NDST3: variants seen among roughly 807,000 people sequenced by gnomAD.
NDST3 encodes bifunctional heparan sulfate N-deacetylase/N-sulfotransferase 3.
Under a neutral mutation model 96.1 loss-of-function variants are expected in NDST3, and 58 were observed. The observed-to-expected ratio is 0.60, with a 90% CI of 0.49 to 0.75. The LOEUF (loss-of-function observed/expected upper bound fraction) is 0.75, where lower values mean the gene tolerates loss of function less well. NDST3 is among the 30% of genes least tolerant of loss of function. NDST3 has a pLI of 0.00. For synonymous variants in NDST3, 333 were observed against 359.7 expected, an observed-to-expected ratio of 0.93 and a Z score of 0.84; for missense variants, 788 against 1,034.2, an observed-to-expected ratio of 0.76 and a Z score of 3.27.
chr4:118,125,029 T>C lies in NDST3; in HGVS notation c.1224+10069T>C, dbSNP rs114715533. Among the ~76,000 whole-genome samples, 505 of 152,106 alleles carry C rather than the reference T, an allele frequency of 3.3e-3. 2 individuals are homozygous for C. Among genetic ancestry groups the C allele is most frequent in the African/African-American group, 0.012 (485 of 41,512 alleles). On this transcript the variant is annotated intron_variant, in intron 4 of 13. Transcript: ENST00000296499. ...GGTTTCATTATATAGGCATGTTTGA[T>C]TGTATTATTGGCCACATGATTGAAC... is the stretch of plus-strand genomic sequence containing the variant.
At chr4:118,218,082 A>T (rs1212643271) in intron 6 of NDST3, among the ~76,000 whole-genome samples, 2 of 151,788 alleles carry the variant, frequency 1.3e-5, no homozygotes, top group South Asian at 4.1e-4. Flanking sequence ...AAAGCCCAAG[A>T]CCAGATACAC....
chr4:118,199,100 G>C (rs1188092457), intron 6 of NDST3, among the ~76,000 whole-genome samples: 1 of 151,990 alleles, frequency 6.6e-6, no homozygotes, highest in Non-Finnish European at 1.5e-5. Flanking sequence ...CTTTCTCTAG[G>C]TTTAGGAAGC....
At chr4:118,038,743 ATAT>A (rs1204124986) in intron 1 of NDST3, among the ~76,000 whole-genome samples, 1 of 152,198 alleles carries the variant, frequency 6.6e-6, no homozygotes, top group Non-Finnish European at 1.5e-5. Context: ...AGAAAAAGGA[ATAT>A]TGTCAGGATC....
intron 1 of NDST3, among the ~76,000 whole-genome samples, chr4:118,045,893 C>A (rs1385539735): frequency 6.6e-6 from 1 of 151,816 alleles, no homozygotes; most frequent in Non-Finnish European, 1.5e-5. Flanking sequence ...ATTATAATTT[C>A]TTGCAAAGTT....
Position 118,054,891 on chromosome 4 carries a change from G to T in NDST3, c.981G>T (p.Lys327Asn). Reference protein sequence around the residue: ...EGTRMNTNDVKALLDTQNLLR... With the variant: ...EGTRMNTNDVNALLDTQNLLR... ...CAAGAATGAACACCAATGATGTAAAGGTAAGGCTCTATTTTCTCAAGTTTC... is the reference window on the plus strand; with the variant it reads ...CAAGAATGAACACCAATGATGTAAATGTAAGGCTCTATTTTCTCAAGTTTC... Residue 327 changes from lysine to asparagine, a missense_variant and splice_region_variant, in exon 2 of 14, where the codon AAG (lysine) becomes AAT (asparagine). Lys to Asn is a moderately conservative substitution (Grantham distance 94). Coordinates refer to ENST00000296499, the MANE Select transcript of NDST3 (RefSeq NM_004784.3). 1 of 1,608,400 alleles carries T rather than the reference G, an allele frequency of 6.2e-7. No homozygotes were observed. Among genetic ancestry groups the T allele is most frequent in the Non-Finnish European group, 8.5e-7 (1 of 1,178,902 alleles).
At chr4:118,247,236 A>C (rs1741375472) in intron 12 of NDST3, among the ~76,000 whole-genome samples, 1 of 151,910 alleles carries the variant, frequency 6.6e-6, no homozygotes, top group Non-Finnish European at 1.5e-5. Context: ...TGTCCAGAAA[A>C]GAGACAAATG....
chr4:118,230,504 G>GAA (rs1454225312), intron 8 of NDST3, among the ~76,000 whole-genome samples: 56 of 152,192 alleles, frequency 3.7e-4, no homozygotes, highest in Non-Finnish European at 7.4e-5. Context: ...GAACCCGGCG[G>GAA]GCGGAGCTTG....
At chr4:118,072,335 A>C (rs1727148753) in intron 2 of NDST3, among the ~76,000 whole-genome samples, 1 of 152,140 alleles carries the variant, frequency 6.6e-6, no homozygotes, top group South Asian at 2.1e-4. Flanking sequence ...GGCAATTTTA[A>C]CAATATTGAT....
intron 8 of NDST3, among the ~76,000 whole-genome samples, chr4:118,227,310 T>C (rs1033421996): frequency 1.3e-5 from 2 of 152,066 alleles, no homozygotes; most frequent in Non-Finnish European, 2.9e-5. Flanking sequence ...ACTGACAGGA[T>C]TGTATCAAAA....
At chr4:118,056,481 A>T (rs1408080832) in intron 2 of NDST3, among the ~76,000 whole-genome samples, 1 of 151,986 alleles carries the variant, frequency 6.6e-6, no homozygotes, top group Non-Finnish European at 1.5e-5. Context: ...ATGCTTTTTT[A>T]AAAAATGTGT....
intron 2 of NDST3, among the ~76,000 whole-genome samples, chr4:118,077,995 C>T (rs1034558157): frequency 1.3e-5 from 2 of 152,102 alleles, no homozygotes; most frequent in African/African-American, 4.8e-5. Flanking sequence ...AAGAGTTGCC[C>T]CTGTAAAACT....
At chr4:118,058,994 C>A (rs546091912) in intron 2 of NDST3, among the ~76,000 whole-genome samples, 1 of 152,048 alleles carries the variant, frequency 6.6e-6, no homozygotes, top group Admixed American at 6.6e-5. Context: ...AGAAGGTGGT[C>A]TTTCAGGGTT....
At chr4:118,225,993 TG>T (rs990011400) in intron 7 of NDST3, among the ~76,000 whole-genome samples, 5 of 152,072 alleles carry the variant, frequency 3.3e-5, no homozygotes, top group Non-Finnish European at 5.9e-5. Flanking sequence ...ACTGTTTTTT[TG>T]TTTTTTTTTT....
chr4:118,103,204 T>C (rs1011216505), intron 2 of NDST3, among the ~76,000 whole-genome samples: 2 of 152,114 alleles, frequency 1.3e-5, no homozygotes, highest in Non-Finnish European at 2.9e-5. Context: ...TTTTACCAAA[T>C]TGTAAGACTT....
At chr4:118,051,550 T>C (rs915401267) in intron 1 of NDST3, among the ~76,000 whole-genome samples, 1 of 151,622 alleles carries the variant, frequency 6.6e-6, no homozygotes, top group Non-Finnish European at 1.5e-5. Flanking sequence ...GAAACTTAAA[T>C]CAATAAGAAA....
chr4:118,247,558 AAAG>A (rs1741401405), intron 12 of NDST3, among the ~76,000 whole-genome samples: 1 of 133,636 alleles, frequency 7.5e-6, no homozygotes, highest in Non-Finnish European at 1.8e-5. Flanking sequence ...GTCTAAAAAA[AAAG>A]AAAGAAAGAA....
At chr4:118,207,266 T>C (rs1163314394) in intron 6 of NDST3, among the ~76,000 whole-genome samples, 1 of 143,230 alleles carries the variant, frequency 7.0e-6, no homozygotes, top group East Asian at 2.0e-4. Context: ...AAGTGGTACC[T>C]ATAATATTGG....
chr4:118,041,344 A>G (rs1724453769), intron 1 of NDST3, among the ~76,000 whole-genome samples: 1 of 152,178 alleles, frequency 6.6e-6, no homozygotes, highest in Non-Finnish European at 1.5e-5. Context: ...TATTAATATT[A>G]GCTGCATTAC....
At chr4:118,251,602 T>C (rs2126014386) in intron 12 of NDST3, among the ~76,000 whole-genome samples, 1 of 152,314 alleles carries the variant, frequency 6.6e-6, no homozygotes, top group East Asian at 1.9e-4. Flanking sequence ...CAGTTGACTG[T>C]AGATGTGTAG....
Sources: gnomAD v4.1 joint callset for allele counts (sites outside exome capture counted in the v4.1 genomes callset) on GRCh38, gnomAD v4.1.1 for gene constraint, MANE v1.5 for transcripts, NCBI Gene and HGNC (gene_info 2026-07-23, HGNC 2026-07-21) for gene names.